Variants in RFTN1 observed in about 807,000 individuals in gnomAD.
RFTN1 encodes the protein raftlin.
In RFTN1, 26 loss-of-function variants were observed where a neutral mutation model predicts 46.5. That is an observed-to-expected ratio of 0.56 (90% CI 0.41 to 0.78). The LOEUF (loss-of-function observed/expected upper bound fraction) is 0.78, where lower values mean the gene tolerates loss of function less well. Among genes scored for constraint, RFTN1 ranks in the 30% least tolerant of loss-of-function variants. The pLI, the probability that RFTN1 is intolerant of heterozygous loss-of-function variation, is 0.00. For synonymous variants in RFTN1, 261 were observed against 284.2 expected, an observed-to-expected ratio of 0.92 and a Z score of 0.82; for missense variants, 693 against 718.7, an observed-to-expected ratio of 0.96 and a Z score of 0.41.
In RFTN1 at chr3:16,474,458, C is replaced by G. The variant is rs913655216; in HGVS notation, c.145+19267G>C. Among the ~76,000 whole-genome samples the G allele has an allele frequency of 7.9e-5, 12 of 152,200 alleles. No individual in the cohort carries two copies. Among genetic ancestry groups the G allele is most frequent in the African/African-American group, 2.9e-4 (12 of 41,450 alleles). On this transcript the variant is annotated intron_variant, in intron 2 of 9. Coordinates refer to ENST00000334133, the MANE Select transcript of RFTN1 (RefSeq NM_015150.2). This position sits in a 1 kb window ranked among gnomAD's most constrained non-coding sequence, Gnocchi z 5.5. ...GCTGCTGCTATTTGCCCTCCTCCCC[C>G]AAGATAAACAAAGGCTGACCATGAG...
At chr3:16,494,955 G>C (rs539085072) in intron 1 of RFTN1, among the ~76,000 whole-genome samples, 63 of 152,254 alleles carry the variant, frequency 4.1e-4, no homozygotes, top group African/African-American at 1.4e-3. Flanking sequence ...AAGGTACCCA[G>C]CTTCCTAAGG....
rs769881694 is a variant in RFTN1 at position 16,316,956 on chromosome 3, G to A, written c.1609C>T (p.Gln537Ter). The A allele has an allele frequency of 5.0e-6, 8 of 1,613,842 alleles. No homozygotes were observed. The highest frequency in any genetic ancestry group is 1.3e-5 in the African/African-American group (1 of 74,840). Reference sequence around the variant, plus strand: ...CTGCTGTGGCTGGCAGGACCATTCTGCACAGCCTCACCCTCCACACCCACC... The same window carrying A: ...CTGCTGTGGCTGGCAGGACCATTCTACACAGCCTCACCCTCCACACCCACC... ...CGVGVEGEAV[Q>*]NGPASHSRAL... The change falls in exon 10 of 10, where the codon CAG becomes TAG. Residue 537 changes from glutamine to a stop codon, truncating the protein, a stop_gained. Coordinates refer to ENST00000334133, the MANE Select transcript of RFTN1 (RefSeq NM_015150.2). LOFTEE classifies it low-confidence loss of function (END_TRUNC). This position sits in a 1 kb window ranked among gnomAD's most constrained non-coding sequence, Gnocchi z 4.5.
At position 16,352,634 on chromosome 3, in the gene RFTN1, A is replaced by G. The variant is rs914007384; in HGVS notation, c.1146+5298T>C. On this transcript the variant is annotated intron_variant, in intron 7 of 9. Coordinates refer to ENST00000334133, the MANE Select transcript of RFTN1 (RefSeq NM_015150.2). The surrounding 1 kb of genome is among the most constrained non-coding windows in gnomAD (Gnocchi z 4.6). ...GTGCTTTTAGCATAAAACGAAGGCA[A>G]TGGGGGGAGGATCTGTCTCACTGAT... is the stretch of plus-strand genomic sequence containing the variant. Among the ~76,000 whole-genome samples, 5 of 152,296 alleles carry G rather than the reference A, an allele frequency of 3.3e-5. No homozygotes were observed. Among genetic ancestry groups the G allele is most frequent in the South Asian group, 4.1e-4 (2 of 4,830 alleles).
At chr3:16,486,413 C>T (rs1157424438) in intron 2 of RFTN1, among the ~76,000 whole-genome samples, 1 of 152,134 alleles carries the variant, frequency 6.6e-6, no homozygotes, top group Non-Finnish European at 1.5e-5. Flanking sequence ...ATCATCTGGC[C>T]CTACTTTCTT....
chr3:16,483,491 CA>C lies in RFTN1; in HGVS notation c.145+10233del, dbSNP rs2076400533. The stretch of plus-strand genomic sequence containing the variant: ...TGTAGGTGGGGTGGGGACACAGAAC[CA>C]AACCACAACACCAAGACTGACTTAA... On this transcript the variant is annotated intron_variant, in intron 2 of 9. Transcript: ENST00000334133. This position sits in a 1 kb window ranked among gnomAD's most constrained non-coding sequence, Gnocchi z 4.8. Among the ~76,000 whole-genome samples the C allele has an allele frequency of 6.6e-6, 1 of 152,244 alleles. No homozygotes were observed. Among genetic ancestry groups the C allele is most frequent in the African/African-American group, 2.4e-5 (1 of 41,522 alleles).
rs993458844 is a variant in RFTN1 at position 16,440,931 on chromosome 3, G to C, written c.146-6894C>G. On this transcript the variant is annotated intron_variant, in intron 2 of 9. Coordinates refer to ENST00000334133, the MANE Select transcript of RFTN1 (RefSeq NM_015150.2). The surrounding 1 kb of genome is among the most constrained non-coding windows in gnomAD (Gnocchi z 4.6). ...CTGTCCAGGCGCAGTGTGAGCATCA[G>C]TCATACATGGAGGAGGATGTCATTC... is the stretch of plus-strand genomic sequence containing the variant. 6.6e-6 allele frequency among the ~76,000 whole-genome samples: 1 copy of C among 152,148 alleles called. No individual in the cohort carries two copies. The highest frequency in any genetic ancestry group is 1.5e-5 in the Non-Finnish European group (1 of 68,016).
In RFTN1 at chr3:16,493,377, A is replaced by G. The variant is rs977820789; in HGVS notation, c.145+348T>C. Among the ~76,000 whole-genome samples the G allele has an allele frequency of 2.6e-4, 40 of 151,672 alleles. 1 individual carries two copies. Among genetic ancestry groups the G allele is most frequent in the Admixed American group, 2.2e-3 (33 of 15,216 alleles). ...CTCCCGAGTAGCTGGGACTACAGGCACCCGCCACCACGCCTGGCTAACTTT... is the reference window on the plus strand; with the variant it reads ...CTCCCGAGTAGCTGGGACTACAGGCGCCCGCCACCACGCCTGGCTAACTTT... On this transcript the variant is annotated intron_variant, in intron 2 of 9. Transcript: ENST00000334133.
intron 3 of RFTN1, among the ~76,000 whole-genome samples, chr3:16,414,307 AAAAG>A (rs992187443): frequency 6.1e-4 from 93 of 151,834 alleles, no homozygotes; most frequent in Non-Finnish European, 5.9e-4. Context: ...AAAAAAAAAA[AAAAG>A]AAAGAAAGAA....
chr3:16,328,862 T>C (rs2069999305), intron 7 of RFTN1, among the ~76,000 whole-genome samples: 1 of 152,232 alleles, frequency 6.6e-6, no homozygotes, highest in Admixed American at 6.5e-5. Context: ...AGCTGTTGCC[T>C]CAAATCTAAC....
intron 1 of RFTN1, among the ~76,000 whole-genome samples, chr3:16,495,605 C>T (rs572339350): frequency 6.3e-4 from 96 of 152,132 alleles, no homozygotes; most frequent in Non-Finnish European, 1.2e-3. Context: ...AATTTGATGA[C>T]GTAGAGATGG....
At position 16,500,140 on chromosome 3, in the gene RFTN1, A is replaced by G. The variant is rs2076689132; in HGVS notation, c.-8-6263T>C. Among the ~76,000 whole-genome samples the G allele has an allele frequency of 1.3e-5, 2 of 152,212 alleles. No homozygotes were observed. The highest frequency in any genetic ancestry group is 4.1e-4 in the South Asian group (2 of 4,830). On this transcript the variant is annotated intron_variant, in intron 1 of 9. Transcript: ENST00000334133. The surrounding 1 kb of genome is among the most constrained non-coding windows in gnomAD (Gnocchi z 5.9). The stretch of plus-strand genomic sequence containing the variant: ...GTTTTTGTAAAAAACACATGCTAAA[A>G]GTCACCTGTGTCTAGTGAGACTCCC...
chr3:16,414,479 C>T (rs1029331999), intron 3 of RFTN1, among the ~76,000 whole-genome samples: 7 of 151,662 alleles, frequency 4.6e-5, no homozygotes, highest in African/African-American at 1.2e-4. Context: ...TGGTGGTGCA[C>T]GCCTATAATT....
intron 2 of RFTN1, among the ~76,000 whole-genome samples, chr3:16,454,065 A>G (rs1245634755): frequency 6.6e-6 from 1 of 152,170 alleles, no homozygotes; most frequent in African/African-American, 2.4e-5. Context: ...AAGGAGTATG[A>G]GCTCCACCAG....
rs59117528 is a variant in RFTN1 at position 16,451,724 on chromosome 3, C to T, written c.146-17687G>A. Among the ~76,000 whole-genome samples, 934 of 152,282 alleles carry T rather than the reference C, an allele frequency of 6.1e-3. 10 individuals carry two copies. The highest frequency in any genetic ancestry group is 0.021 in the African/African-American group (872 of 41,554). Reference sequence around the variant, plus strand: ...AGCCTGAGGTGTGACAGCAAAACTACTAGCGTGATTTTTTTTTCCTTCCTC... The same window carrying T: ...AGCCTGAGGTGTGACAGCAAAACTATTAGCGTGATTTTTTTTTCCTTCCTC... On this transcript the variant is annotated intron_variant, in intron 2 of 9. Coordinates refer to ENST00000334133, the MANE Select transcript of RFTN1 (RefSeq NM_015150.2). This position sits in a 1 kb window ranked among gnomAD's most constrained non-coding sequence, Gnocchi z 4.2.
chr3:16,368,832 G>A (rs2073362793), intron 6 of RFTN1, among the ~76,000 whole-genome samples: 1 of 152,190 alleles, frequency 6.6e-6, no homozygotes, highest in Admixed American at 6.5e-5. Context: ...CACATTTCAA[G>A]TGCTCAGTAG....
rs1427117128 is a variant in RFTN1 at position 16,338,407 on chromosome 3, G to A, written c.1147-11531C>T. Among the ~76,000 whole-genome samples the A allele has an allele frequency of 2.0e-5, 3 of 152,250 alleles. No individual in the cohort carries two copies. The highest frequency in any genetic ancestry group is 1.3e-4 in the Admixed American group (2 of 15,288). On this transcript the variant is annotated intron_variant, in intron 7 of 9. Transcript: ENST00000334133. The surrounding 1 kb of genome is among the most constrained non-coding windows in gnomAD (Gnocchi z 5.3). ...GACAGGCACTGCAGTTCTGACTGTG[G>A]TTAAGCAACACAAAGCTGCCACATC...
intron 4 of RFTN1, among the ~76,000 whole-genome samples, chr3:16,395,241 T>C (rs2074439746): frequency 6.6e-6 from 1 of 152,262 alleles, no homozygotes; most frequent in African/African-American, 2.4e-5. Flanking sequence ...TCTTGGCATA[T>C]ATGCCTTATA....
chr3:16,328,740 A>T (rs1008795840), intron 7 of RFTN1, among the ~76,000 whole-genome samples: 1 of 152,158 alleles, frequency 6.6e-6, no homozygotes, highest in African/African-American at 2.4e-5. Context: ...GTGTTTTAAA[A>T]AGCCCTTCCC....
At chr3:16,505,544 G>A (rs1421743033) in intron 1 of RFTN1, among the ~76,000 whole-genome samples, 2 of 152,214 alleles carry the variant, frequency 1.3e-5, no homozygotes, top group African/African-American at 4.8e-5. Context: ...TTCAGGGCAG[G>A]CCAGAAGGCT....
Sources: allele counts gnomAD v4.1 joint callset (sites outside exome capture counted in the v4.1 genomes callset), GRCh38; gene constraint gnomAD v4.1.1; non-coding constraint Gnocchi (gnomAD v3.1); transcripts MANE v1.5; gene names NCBI Gene and HGNC (gene_info 2026-07-23, HGNC 2026-07-21).